Variants in SLC35F4 observed in about 807,000 individuals in gnomAD.
SLC35F4 encodes the protein solute carrier family 35 member F4.
SLC35F4 carries 24 observed loss-of-function variants against 44.2 expected under a neutral mutation model. The ratio of observed to expected loss-of-function variants is 0.54; its 90% CI spans 0.39 to 0.76. The LOEUF (loss-of-function observed/expected upper bound fraction) is 0.76. Among genes scored for constraint, SLC35F4 ranks in the 30% least tolerant of loss-of-function variants. The probability of loss-of-function intolerance (pLI) is 0.00; values close to 1 mark genes in which losing one functional copy is unlikely to be tolerated. For synonymous variants in SLC35F4, 238 were observed against 223.6 expected, an observed-to-expected ratio of 1.06 and a Z score of -0.57; for missense variants, 562 against 586.1, an observed-to-expected ratio of 0.96 and a Z score of 0.42.
chr14:57,770,735 T>C (rs1222167173), intron 1 of SLC35F4, among the ~76,000 whole-genome samples: 1 of 152,198 alleles, frequency 6.6e-6, no homozygotes, highest in African/African-American at 2.4e-5. Flanking sequence ...CCTTTCTCTG[T>C]GGCCAGGAAA....
At chr14:57,909,086 A>C (rs1336655021) in intron 1 of SLC35F4, among the ~76,000 whole-genome samples, 2 of 152,190 alleles carry the variant, frequency 1.3e-5, no homozygotes, top group Non-Finnish European at 2.9e-5. Flanking sequence ...GGAAGATCAG[A>C]TGATGGTAGA....
At chr14:57,885,983 C>T (rs544877864) in intron 1 of SLC35F4, among the ~76,000 whole-genome samples, 32 of 152,214 alleles carry the variant, frequency 2.1e-4, no homozygotes, top group African/African-American at 6.0e-4. Flanking sequence ...GGATCATATA[C>T]GCACATAGTA....
At chr14:57,620,642 T>A (rs949521273) in intron 1 of SLC35F4, among the ~76,000 whole-genome samples, 4 of 152,208 alleles carry the variant, frequency 2.6e-5, no homozygotes, top group Non-Finnish European at 5.9e-5. Context: ...CCATTCAGTA[T>A]GGTATTGGCT....
intron 1 of SLC35F4, among the ~76,000 whole-genome samples, chr14:57,713,677 T>A (rs757562104): frequency 3.9e-5 from 6 of 152,098 alleles, no homozygotes; most frequent in Non-Finnish European, 7.4e-5. Flanking sequence ...GGTAAGGAGG[T>A]TTTCTTATTC....
chr14:57,834,443 T>A (rs1470904960), intron 1 of SLC35F4, among the ~76,000 whole-genome samples: 1 of 152,174 alleles, frequency 6.6e-6, no homozygotes, highest in Non-Finnish European at 1.5e-5. Flanking sequence ...CACAAGGAGG[T>A]CCAAAGTGGT....
At chr14:57,629,482 G>A (rs957633405) in intron 1 of SLC35F4, among the ~76,000 whole-genome samples, 3 of 152,038 alleles carry the variant, frequency 2.0e-5, no homozygotes, top group African/African-American at 7.2e-5. Context: ...CCAGAAGGAA[G>A]AACATACAAT....
At chr14:57,645,897 T>C (rs1780953094) in intron 1 of SLC35F4, among the ~76,000 whole-genome samples, 3 of 152,070 alleles carry the variant, frequency 2.0e-5, no homozygotes, top group Admixed American at 6.6e-5. Flanking sequence ...GTTTTTGTCT[T>C]TGGTTCCGTT....
intron 1 of SLC35F4, among the ~76,000 whole-genome samples, chr14:57,650,427 ATTC>A (rs2140197837): frequency 6.6e-6 from 1 of 152,244 alleles, no homozygotes; most frequent in East Asian, 1.9e-4. Flanking sequence ...ACCAGTTAGT[ATTC>A]TTCTCCCACA....
chr14:57,664,363 G>T (rs956563283), intron 1 of SLC35F4, among the ~76,000 whole-genome samples: 1 of 152,020 alleles, frequency 6.6e-6, no homozygotes, highest in Non-Finnish European at 1.5e-5. Context: ...TGGGACACTG[G>T]GACACTGAGG....
chr14:57,936,550 G>T (rs139045210), intron 1 of SLC35F4, among the ~76,000 whole-genome samples: 4 of 152,328 alleles, frequency 2.6e-5, no homozygotes, highest in African/African-American at 9.6e-5. Context: ...TCTGAGACAG[G>T]TTTGGTTGTC....
In SLC35F4 at chr14:57,564,250, A is replaced by G; in HGVS notation, c.1343T>C (p.Ile448Thr). ...EEWDEITLRF[I>T]NSLKEKKSEE... ...ACTCTTCTTTTCCTTCAGGCTGTTG[A>G]TGAACCTCAGGGTGATTTCATCCCA... The change falls in exon 8 of 8, where the codon ATC becomes ACC. Residue 448 changes from isoleucine to threonine, a missense_variant. Ile to Thr is a moderately conservative substitution (Grantham distance 89, BLOSUM62 -1). Coordinates refer to ENST00000556826, the MANE Select transcript of SLC35F4 (RefSeq NM_001306087.2). The G allele has an allele frequency of 6.2e-7, 1 of 1,613,380 alleles. No homozygotes were observed. The highest frequency in any genetic ancestry group is 8.5e-7 in the Non-Finnish European group (1 of 1,179,712).
rs143246817 is a variant in SLC35F4, at chr14:57,647,821, C to T, written c.104-53697G>A. On this transcript the variant is annotated intron_variant, in intron 1 of 7. Coordinates refer to ENST00000556826, the MANE Select transcript of SLC35F4 (RefSeq NM_001306087.2). ...ATGTAATCGGGTTCTTCATCCTCTA[C>T]CATCCCCCAGGCGATGTCTGATCAC... Among the ~76,000 whole-genome samples the T allele has an allele frequency of 2.4e-3, 365 of 152,214 alleles. 3 individuals are homozygous for T. Among genetic ancestry groups the T allele is most frequent in the African/African-American group, 8.5e-3 (353 of 41,538 alleles).
chr14:57,816,028 G>T (rs1169666402), intron 1 of SLC35F4, among the ~76,000 whole-genome samples: 2 of 152,036 alleles, frequency 1.3e-5, no homozygotes, highest in African/African-American at 2.4e-5. Flanking sequence ...AAAATTTGGG[G>T]GTCTGGCCTA....
At chr14:57,894,246 A>C (rs553796342) in intron 1 of SLC35F4, among the ~76,000 whole-genome samples, 1 of 152,256 alleles carries the variant, frequency 6.6e-6, no homozygotes, top group Admixed American at 6.5e-5. Flanking sequence ...TTGAGTAAAA[A>C]GAGCCTTGAG....
chr14:57,722,426 A>G (rs1265348320), intron 1 of SLC35F4, among the ~76,000 whole-genome samples: 4 of 152,196 alleles, frequency 2.6e-5, no homozygotes, highest in Non-Finnish European at 4.4e-5. Context: ...AGGGTCCAGA[A>G]GATACACCCT....
chr14:57,628,974 G>A (rs548493798), intron 1 of SLC35F4, among the ~76,000 whole-genome samples: 15 of 152,230 alleles, frequency 9.9e-5, no homozygotes, highest in Admixed American at 5.2e-4. Flanking sequence ...AGCACAAGAA[G>A]CATAAAAACA....
chr14:57,778,683 A>G (rs1269129402), intron 1 of SLC35F4, among the ~76,000 whole-genome samples: 1 of 152,156 alleles, frequency 6.6e-6, no homozygotes, highest in Admixed American at 6.6e-5. Context: ...TCTTATTGCC[A>G]TATGGTACAT....
chr14:57,637,812 A>G (rs1465387927), intron 1 of SLC35F4, among the ~76,000 whole-genome samples: 1 of 152,086 alleles, frequency 6.6e-6, no homozygotes, highest in Non-Finnish European at 1.5e-5. Context: ...AGCTGACTGA[A>G]TGAACCCCTC....
chr14:57,758,797 T>C (rs941861975), intron 1 of SLC35F4, among the ~76,000 whole-genome samples: 1 of 152,206 alleles, frequency 6.6e-6, no homozygotes, highest in Non-Finnish European at 1.5e-5. Flanking sequence ...TAAAAAATTC[T>C]ATATAATAAA....
Sources: allele counts gnomAD v4.1 joint callset (sites outside exome capture counted in the v4.1 genomes callset), GRCh38; gene constraint gnomAD v4.1.1; transcripts MANE v1.5; gene names NCBI Gene and HGNC (gene_info 2026-07-23, HGNC 2026-07-21).